The following ZNF704 variants were observed in gnomAD, a reference collection of about 807,000 sequenced individuals.
ZNF704 encodes zinc finger protein 704, also known as glucocorticoid induced gene 1.
In ZNF704, 10 loss-of-function variants were observed where a neutral mutation model predicts 44.7. The observed-to-expected ratio is 0.22, with a 90% confidence interval of 0.14 to 0.38. The LOEUF is 0.38. ZNF704 is among the 10% of genes least tolerant of loss of function. The pLI is 1.00. For synonymous variants in ZNF704, 211 were observed against 207.6 expected, an observed-to-expected ratio of 1.02 and a Z score of -0.14; for missense variants, 390 against 545.5, an observed-to-expected ratio of 0.71 and a Z score of 2.84.
chr8:80,797,158 T>C (rs1171224127), intron 2 of ZNF704, among the ~76,000 whole-genome samples: 2 of 152,164 alleles, frequency 1.3e-5, no homozygotes, highest in African/African-American at 2.4e-5. Flanking sequence ...GGTATGAGGG[T>C]TGGGGCTCTA....
intron 2 of ZNF704, among the ~76,000 whole-genome samples, chr8:80,703,060 C>A (rs929186499): frequency 6.6e-6 from 1 of 152,088 alleles, no homozygotes; most frequent in African/African-American, 2.4e-5. Flanking sequence ...GGGAGGCTCC[C>A]CATTGCCCTC....
intron 7 of ZNF704, among the ~76,000 whole-genome samples, chr8:80,649,960 C>CA (rs774960427): frequency 6.6e-6 from 1 of 152,168 alleles, no homozygotes; most frequent in Non-Finnish European, 1.5e-5. Context: ...TTCTCTGAGA[C>CA]AAAACTTCCA....
chr8:80,879,220 A>C (rs559205971), upstream of ZNF704, among the ~76,000 whole-genome samples: 2 of 146,074 alleles, frequency 1.4e-5, no homozygotes, highest in Non-Finnish European at 3.0e-5. Context: ...TCTAGTGTGT[A>C]TGTTAAGAAA....
At chr8:80,683,824 G>A (rs1818492134) in intron 4 of ZNF704, among the ~76,000 whole-genome samples, 1 of 152,226 alleles carries the variant, frequency 6.6e-6, no homozygotes, top group African/African-American at 2.4e-5. Flanking sequence ...ATCACACACT[G>A]TCATCTTCTT....
chr8:80,722,565 A>T (rs914395706), intron 2 of ZNF704, among the ~76,000 whole-genome samples: 3 of 152,246 alleles, frequency 2.0e-5, no homozygotes, highest in Non-Finnish European at 2.9e-5. Context: ...AAAGCAAAAG[A>T]AGTACATAAT....
chr8:80,770,293 G>C (rs935527641), intron 2 of ZNF704, among the ~76,000 whole-genome samples: 1 of 152,116 alleles, frequency 6.6e-6, no homozygotes, highest in Non-Finnish European at 1.5e-5. Flanking sequence ...GATTCCTCAC[G>C]ATGTCCTATT....
chr8:80,857,014 C>T (rs1185712608), intron 1 of ZNF704, among the ~76,000 whole-genome samples: 1 of 151,948 alleles, frequency 6.6e-6, no homozygotes, highest in East Asian at 1.9e-4. Flanking sequence ...TAGGTCTTTG[C>T]TCTCTCTCAT....
intron 1 of ZNF704, among the ~76,000 whole-genome samples, chr8:80,842,485 A>T (rs749342596): frequency 2.0e-5 from 3 of 152,222 alleles, no homozygotes; most frequent in Non-Finnish European, 2.9e-5. Context: ...AAGGGATCGC[A>T]CACACAGAGA....
chr8:80,835,644 T>A (rs1808546587), intron 1 of ZNF704, among the ~76,000 whole-genome samples: 1 of 152,192 alleles, frequency 6.6e-6, no homozygotes, highest in Admixed American at 6.5e-5. Flanking sequence ...AGCTATATGC[T>A]AAGGAACAAA....
intron 6 of ZNF704, among the ~76,000 whole-genome samples, chr8:80,663,314 G>C (rs566503492): frequency 6.6e-6 from 1 of 150,976 alleles, no homozygotes; most frequent in Non-Finnish European, 1.5e-5. Flanking sequence ...CCAGGAGTTC[G>C]AGGCTGCAGT....
intron 2 of ZNF704, among the ~76,000 whole-genome samples, chr8:80,790,809 TA>T (rs1563554455): frequency 6.6e-6 from 1 of 151,616 alleles, no homozygotes; most frequent in Non-Finnish European, 1.5e-5. Context: ...GGGACATCAA[TA>T]AAAAATAAAA....
At chr8:80,738,235 G>A (rs545054471) in intron 2 of ZNF704, among the ~76,000 whole-genome samples, 186 of 152,256 alleles carry the variant, frequency 1.2e-3, no homozygotes, top group Non-Finnish European at 2.1e-3. Flanking sequence ...TCCAGGTAAA[G>A]TATTTTTCCC....
chr8:80,660,488 C>T (rs978345882), intron 6 of ZNF704, among the ~76,000 whole-genome samples: 5 of 145,162 alleles, frequency 3.4e-5, no homozygotes, highest in Non-Finnish European at 6.0e-5. Context: ...AAAAAAAAAA[C>T]CTGGAAATAA....
At position 80,664,425 on chromosome 8, in the gene ZNF704, C is replaced by T. The variant is rs542159274; in HGVS notation, c.927+390G>A. ...TAGCTGGGATTACAGGCATGTGCCA[C>T]CACACCCAGCTAATTTTGTATTTTT... On this transcript the variant is annotated intron_variant, in intron 6 of 8. Coordinates refer to ENST00000327835, the MANE Select transcript of ZNF704 (RefSeq NM_001033723.3). Among the ~76,000 whole-genome samples, 6 of 152,198 alleles carry T rather than the reference C, an allele frequency of 3.9e-5. No homozygotes were observed. The East Asian group carries it at 1.2e-3, about 29-fold the overall frequency.
At chr8:80,851,825 G>T (rs1808869477) in intron 1 of ZNF704, among the ~76,000 whole-genome samples, 1 of 152,180 alleles carries the variant, frequency 6.6e-6, no homozygotes, top group Non-Finnish European at 1.5e-5. Flanking sequence ...TGTGGTTCCT[G>T]ACTGCAGTTT....
intron 7 of ZNF704, among the ~76,000 whole-genome samples, chr8:80,653,858 C>A (rs1245300733): frequency 6.6e-6 from 1 of 152,040 alleles, no homozygotes; most frequent in Non-Finnish European, 1.5e-5. Context: ...TCATATGGAA[C>A]CAAAAAAGAG....
At chr8:80,824,357 T>C (rs879643023) in intron 1 of ZNF704, among the ~76,000 whole-genome samples, 11 of 151,786 alleles carry the variant, frequency 7.2e-5, no homozygotes, top group African/African-American at 2.4e-4. Flanking sequence ...TGAAATGAAG[T>C]GAGAAGAGAA....
At chr8:80,798,936 T>TG (rs1265206406) in intron 2 of ZNF704, among the ~76,000 whole-genome samples, 16 of 152,188 alleles carry the variant, frequency 1.1e-4, no homozygotes, top group African/African-American at 3.4e-4. Context: ...GTGGGAACTC[T>TG]TTACAGAGTC....
chr8:80,671,385 C>T (rs952599864), intron 4 of ZNF704, among the ~76,000 whole-genome samples: 7 of 152,178 alleles, frequency 4.6e-5, no homozygotes, highest in African/African-American at 1.7e-4. Flanking sequence ...TGATTGAGAG[C>T]ACTGATTTTG....
Sources: gnomAD v4.1 joint callset for allele counts (sites outside exome capture counted in the v4.1 genomes callset) on GRCh38, gnomAD v4.1.1 for gene constraint, MANE v1.5 for transcripts, NCBI Gene and HGNC (gene_info 2026-07-23, HGNC 2026-07-21) for gene names.